Variants in HS2ST1 observed in about 807,000 individuals in gnomAD.
HS2ST1 encodes 2-O-sulfotransferase.
A neutral mutation model predicts 42.9 loss-of-function variants in HS2ST1; 18 were observed. The observed-to-expected ratio is 0.42, with a 90% CI of 0.29 to 0.62. The LOEUF is 0.62. Among genes scored for constraint, HS2ST1 ranks in the 20% least tolerant of loss-of-function variants. The pLI, the probability that HS2ST1 is intolerant of heterozygous loss-of-function variation, is 0.21. For missense variants in HS2ST1, 334 were observed against 433.8 expected (o/e 0.77, Z 2.04); for synonymous variants, 146 against 152.9 (o/e 0.95, Z 0.33).
chr1:87,045,145 T>A, intron 1 of HS2ST1: 1 of 853,058 alleles, frequency 1.2e-6, no homozygotes, highest in Non-Finnish European at 2.0e-6. Context: ...CCATCATTAC[T>A]GCCATTGGTT....
intron 5 of HS2ST1, among the ~76,000 whole-genome samples, chr1:87,102,540 T>G (rs144822448): frequency 4.6e-5 from 7 of 152,268 alleles, no homozygotes; most frequent in African/African-American, 1.7e-4. Flanking sequence ...GGAACAAATA[T>G]CCAAACCATA....
In HS2ST1 at chr1:87,092,639, G is replaced by T. The variant is rs377308282; in HGVS notation, c.558G>T (p.Gly186=). ...FLRFGDDYRP[G]LRRRKQGDKK... ...GATTTGGAGATGATTATAGACCAGG[G>T]TTACGGAGACGAAAACAAGGAGACA... is the stretch of plus-strand genomic sequence containing the variant. Residue 186 remains glycine, a synonymous_variant, in exon 4 of 7, where the codon GGG becomes GGT. Transcript: ENST00000370550. 1 of 1,543,902 alleles carries T rather than the reference G, an allele frequency of 6.5e-7. No homozygotes were observed. The highest frequency in any genetic ancestry group is 8.7e-7 in the Non-Finnish European group (1 of 1,151,080).
chr1:87,003,727 T>G (rs554813421), intron 1 of HS2ST1, among the ~76,000 whole-genome samples: 19 of 152,290 alleles, frequency 1.2e-4, no homozygotes, highest in African/African-American at 4.3e-4. Context: ...TTTCTTGTCA[T>G]TATTCCCTGA....
intron 1 of HS2ST1, among the ~76,000 whole-genome samples, chr1:87,057,997 TTCTC>T (rs1319749604): frequency 6.6e-6 from 1 of 151,786 alleles, no homozygotes; most frequent in Admixed American, 6.6e-5. Context: ...ACTGGCCTGC[TTCTC>T]TCTCTATTTC....
chr1:86,940,430 A>T (rs971632370), intron 1 of HS2ST1, among the ~76,000 whole-genome samples: 6 of 152,152 alleles, frequency 3.9e-5, no homozygotes, highest in South Asian at 4.1e-4. Flanking sequence ...AAACGTTATT[A>T]AAAAAGATTC....
At chr1:87,043,997 G>C (rs1570507371) in intron 1 of HS2ST1, among the ~76,000 whole-genome samples, 1 of 152,040 alleles carries the variant, frequency 6.6e-6, no homozygotes, top group Non-Finnish European at 1.5e-5. Context: ...CCATTGAAAT[G>C]TTAGGCTCAC....
intron 1 of HS2ST1, among the ~76,000 whole-genome samples, chr1:86,961,254 T>C (rs1647836190): frequency 6.6e-6 from 1 of 151,836 alleles, no homozygotes; most frequent in Non-Finnish European, 1.5e-5. Context: ...AAAAAATTCC[T>C]TGAACTATAC....
At chr1:87,104,394 A>T (rs562295764) in intron 6 of HS2ST1, 76 bp from the exon 7 acceptor site, 2 of 906,492 alleles carry the variant, frequency 2.2e-6, no homozygotes, top group South Asian at 1.5e-5. Context: ...CCACCTCTTC[A>T]AATAAAGAGG....
At position 86,952,168 on chromosome 1, in the gene HS2ST1, C is replaced by T. The variant is rs545622343; in HGVS notation, c.124+37008C>T. Among the ~76,000 whole-genome samples the T allele has an allele frequency of 2.6e-5, 4 of 152,300 alleles. No individual in the cohort carries two copies. In the East Asian group the frequency reaches 7.7e-4, roughly 29 times the overall value. On this transcript the variant is annotated intron_variant, in intron 1 of 6. Coordinates refer to ENST00000370550, the MANE Select transcript of HS2ST1 (RefSeq NM_012262.4). ...TGATGAATCCTTTCTAGAACGTTTTCAGTTTACTTTGCCCAGATAGAGGAA... is the reference window on the plus strand; with the variant it reads ...TGATGAATCCTTTCTAGAACGTTTTTAGTTTACTTTGCCCAGATAGAGGAA...
intron 1 of HS2ST1, among the ~76,000 whole-genome samples, chr1:87,025,757 A>G (rs1299144230): frequency 6.6e-6 from 1 of 152,184 alleles, no homozygotes; most frequent in Non-Finnish European, 1.5e-5. Context: ...TCTTGCTGAA[A>G]ATTTGATATA....
intron 1 of HS2ST1, among the ~76,000 whole-genome samples, chr1:86,963,575 T>C (rs1433262527): frequency 1.3e-5 from 2 of 152,172 alleles, no homozygotes; most frequent in African/African-American, 4.8e-5. Flanking sequence ...GACACAGCAA[T>C]AATCTGATTT....
intron 1 of HS2ST1, among the ~76,000 whole-genome samples, chr1:87,039,090 G>A (rs985050000): frequency 1.3e-5 from 2 of 152,098 alleles, no homozygotes; most frequent in Non-Finnish European, 2.9e-5. Flanking sequence ...AATGATACGT[G>A]GGTTAGTAAT....
intron 1 of HS2ST1, among the ~76,000 whole-genome samples, chr1:87,027,321 G>A (rs554050511): frequency 3.9e-5 from 6 of 152,230 alleles, no homozygotes; most frequent in Middle Eastern, 3.4e-3. Flanking sequence ...CATAAGATAA[G>A]CACTATAATT....
intron 1 of HS2ST1, among the ~76,000 whole-genome samples, chr1:87,068,180 G>C (rs1395441060): frequency 6.6e-6 from 1 of 152,142 alleles, no homozygotes; most frequent in Non-Finnish European, 1.5e-5. Context: ...TCATGATACT[G>C]ATTCTTCCTA....
intron 1 of HS2ST1, among the ~76,000 whole-genome samples, chr1:87,054,313 G>GT (rs1224636806): frequency 6.6e-6 from 1 of 151,896 alleles, no homozygotes; most frequent in Non-Finnish European, 1.5e-5. Context: ...TTTTTTGTTT[G>GT]TTTTTTAAAA....
chr1:86,951,414 G>A (rs1249834480), intron 1 of HS2ST1, among the ~76,000 whole-genome samples: 1 of 152,164 alleles, frequency 6.6e-6, no homozygotes, highest in Non-Finnish European at 1.5e-5. Flanking sequence ...CAAGTGACAC[G>A]AATATTTTGA....
intron 1 of HS2ST1, among the ~76,000 whole-genome samples, chr1:87,018,132 CCACACACACACACACA>C (rs56401098): frequency 4.0e-5 from 6 of 149,240 alleles, no homozygotes; most frequent in Non-Finnish European, 8.9e-5. Context: ...TAAATAAAAG[CCACACACACACACACA>C]CACACACACA....
chr1:86,988,031 G>A (rs10873809), intron 1 of HS2ST1, among the ~76,000 whole-genome samples: 112,343 of 152,150 alleles, frequency 0.74, 42,804 homozygotes, highest in East Asian at 0.97. Context: ...AAAGGTTGCT[G>A]GTCTCTCTCA....
At chr1:86,921,783 G>C (rs935040790) in intron 1 of HS2ST1, among the ~76,000 whole-genome samples, 2 of 152,144 alleles carry the variant, frequency 1.3e-5, no homozygotes, top group African/African-American at 4.8e-5. Flanking sequence ...CAGGTATTTT[G>C]TTATAGTACC....
Sources: allele counts gnomAD v4.1 joint callset (sites outside exome capture counted in the v4.1 genomes callset), GRCh38; gene constraint gnomAD v4.1.1; transcripts MANE v1.5; gene names NCBI Gene and HGNC (gene_info 2026-07-23, HGNC 2026-07-21).